The following FBN1 variants were observed in gnomAD, a reference collection of about 807,000 sequenced individuals.
FBN1 encodes the protein fibrillin 1.
FBN1 carries 29 observed loss-of-function variants against 365.1 expected under a neutral mutation model. That is an observed-to-expected ratio of 0.08 (90% CI 0.06 to 0.11). The LOEUF (loss-of-function observed/expected upper bound fraction) is 0.11, where lower values mean the gene tolerates loss of function less well. FBN1 is among the 10% of genes least tolerant of loss of function. FBN1 has a pLI of 1.00. For missense variants in FBN1, 2,476 were observed against 3,703.2 expected (o/e 0.67, Z 8.60); for synonymous variants, 1,210 against 1,270.5 (o/e 0.95, Z 1.01).
At chr15:48,604,302 GA>G (rs2044589934) in intron 4 of FBN1, among the ~76,000 whole-genome samples, 1 of 152,176 alleles carries the variant, frequency 6.6e-6, no homozygotes, top group Non-Finnish European at 1.5e-5. Flanking sequence ...GCATTTGTAT[GA>G]CGAACATGTG....
At chr15:48,633,772 G>A (rs542269389) in intron 2 of FBN1, among the ~76,000 whole-genome samples, 14 of 152,288 alleles carry the variant, frequency 9.2e-5, no homozygotes, top group African/African-American at 3.4e-4. Context: ...GTATAGCAGA[G>A]AACTTGCAGA....
chr15:48,450,944 G>A (rs1358159200), intron 45 of FBN1, among the ~76,000 whole-genome samples: 3 of 152,146 alleles, frequency 2.0e-5, no homozygotes, highest in East Asian at 1.9e-4. Flanking sequence ...TCTAGAATGA[G>A]GTCTTCAACC....
At chr15:48,473,742 A>G (rs1442637040) in intron 34 of FBN1, among the ~76,000 whole-genome samples, 1 of 152,100 alleles carries the variant, frequency 6.6e-6, no homozygotes, top group Admixed American at 6.5e-5. Flanking sequence ...TTCTCCTTAC[A>G]TAGTTCCCTA....
intron 32 of FBN1, among the ~76,000 whole-genome samples, chr15:48,480,039 C>A (rs1429543710): frequency 6.6e-6 from 1 of 152,090 alleles, no homozygotes; most frequent in Non-Finnish European, 1.5e-5. Flanking sequence ...TGTCATTTAC[C>A]TAAAACTACA....
At chr15:48,519,887 A>G (rs1456389311) in intron 10 of FBN1, among the ~76,000 whole-genome samples, 1 of 152,216 alleles carries the variant, frequency 6.6e-6, no homozygotes, top group Admixed American at 6.5e-5. Context: ...ATATTGCCTG[A>G]GTTCATCCTG....
intron 8 of FBN1, among the ~76,000 whole-genome samples, chr15:48,533,428 G>T (rs1267077409): frequency 6.6e-6 from 1 of 152,132 alleles, no homozygotes; most frequent in Non-Finnish European, 1.5e-5. Flanking sequence ...TGGAAGTCAG[G>T]CCTCATTTCG....
chr15:48,618,448 T>C (rs1241100538), intron 2 of FBN1, among the ~76,000 whole-genome samples: 1 of 152,236 alleles, frequency 6.6e-6, no homozygotes, highest in Admixed American at 6.5e-5. Flanking sequence ...AGTGCCTTTA[T>C]TCTGGCCCTC....
At chr15:48,583,415 G>A (rs2044411171) in intron 6 of FBN1, among the ~76,000 whole-genome samples, 1 of 152,144 alleles carries the variant, frequency 6.6e-6, no homozygotes, top group African/African-American at 2.4e-5. Context: ...AATGGCACAT[G>A]GTTCCATGAG....
intron 6 of FBN1, among the ~76,000 whole-genome samples, chr15:48,576,397 C>G (rs2044348303): frequency 6.6e-6 from 1 of 152,148 alleles, no homozygotes; most frequent in Non-Finnish European, 1.5e-5. Flanking sequence ...TCCCCCTCTA[C>G]TCTGATCTCC....
At position 48,581,660 on chromosome 15, in the gene FBN1, GAC is replaced by G. The variant is rs1480501430; in HGVS notation, c.538+14621_538+14622del. On this transcript the variant is annotated intron_variant, in intron 6 of 65. Transcript: ENST00000316623. ...TTAAAAATGGACATAGTGTCTAAGA[GAC>G]ACAGAGAACAGAAATAGCAAAGTGT... is the stretch of plus-strand genomic sequence containing the variant. Among the ~76,000 whole-genome samples, 3 of 152,204 alleles carry G rather than the reference GAC, an allele frequency of 2.0e-5. No homozygotes were observed. In the East Asian group the frequency reaches 5.8e-4, roughly 29 times the overall value.
intron 63 of FBN1, among the ~76,000 whole-genome samples, chr15:48,417,799 T>C (rs536273975): frequency 6.6e-6 from 1 of 152,266 alleles, no homozygotes; most frequent in Non-Finnish European, 1.5e-5. Flanking sequence ...GAACGAAGCA[T>C]ATTTACTTCA....
At chr15:48,634,850 A>AAAC (rs1890060795) in intron 2 of FBN1, among the ~76,000 whole-genome samples, 1 of 120,626 alleles carries the variant, frequency 8.3e-6, no homozygotes, top group African/African-American at 4.2e-5. Context: ...AAAAAAAAAA[A>AAAC]AAAAAACCAC....
chr15:48,569,772 G>A (rs2044292083), intron 6 of FBN1, among the ~76,000 whole-genome samples: 1 of 152,138 alleles, frequency 6.6e-6, no homozygotes, highest in Admixed American at 6.5e-5. Flanking sequence ...AAGTGTATTA[G>A]TGGTTGCCCA....
intron 17 of FBN1, among the ~76,000 whole-genome samples, chr15:48,499,345 G>T (rs917416232): frequency 6.6e-6 from 1 of 152,128 alleles, no homozygotes; most frequent in Non-Finnish European, 1.5e-5. Context: ...TTACACTTAC[G>T]GTGAAATGTG....
chr15:48,599,412 T>C (rs1354124155), intron 5 of FBN1, among the ~76,000 whole-genome samples: 1 of 152,156 alleles, frequency 6.6e-6, no homozygotes, highest in Non-Finnish European at 1.5e-5. Flanking sequence ...AGAACTCATG[T>C]ACCAAATATG....
At chr15:48,431,019 C>T (rs539113922) in intron 55 of FBN1, among the ~76,000 whole-genome samples, 3 of 152,256 alleles carry the variant, frequency 2.0e-5, no homozygotes, top group Admixed American at 1.3e-4. Context: ...CCCTAATCAA[C>T]TGATGACCTC....
Position 48,557,234 on chromosome 15 carries a change from T to C in FBN1, c.539-19426A>G, listed in dbSNP as rs554552026. ...ATCAGAAAGGTTTTTAGAGAACAGC[T>C]CGTCACTTCATAGATGAAAAAAACT... On this transcript the variant is annotated intron_variant, in intron 6 of 65. Coordinates refer to ENST00000316623, the MANE Select transcript of FBN1 (RefSeq NM_000138.5). Among the ~76,000 whole-genome samples the C allele has an allele frequency of 6.6e-5, 10 of 152,268 alleles. No homozygotes were observed. The South Asian group carries it at 1.9e-3, about 28-fold the overall frequency.
At chr15:48,552,969 T>C (rs1461698307) in intron 6 of FBN1, among the ~76,000 whole-genome samples, 1 of 152,212 alleles carries the variant, frequency 6.6e-6, no homozygotes, top group Non-Finnish European at 1.5e-5. Context: ...AGATATCTAA[T>C]GTTGAGACAT....
At chr15:48,416,631 A>G (rs2042905437) in intron 63 of FBN1, 1 of 152,224 alleles carries the variant, frequency 6.6e-6, no homozygotes, top group African/African-American at 2.4e-5. Flanking sequence ...AAGCAGGAAA[A>G]AGAAATCTTA....
Sources: allele counts gnomAD v4.1 joint callset (sites outside exome capture counted in the v4.1 genomes callset), GRCh38; gene constraint gnomAD v4.1.1; transcripts MANE v1.5; gene names NCBI Gene and HGNC (gene_info 2026-07-23, HGNC 2026-07-21).